The following CFH variants were observed in gnomAD, a reference collection of about 807,000 sequenced individuals.
CFH encodes complement factor H, also known as H factor 1 (complement).
CFH carries 53 observed loss-of-function variants against 147.3 expected under a neutral mutation model. The ratio of observed to expected loss-of-function variants is 0.36; its 90% CI spans 0.29 to 0.45. The LOEUF (loss-of-function observed/expected upper bound fraction) is 0.45, where lower values mean the gene tolerates loss of function less well. Among genes scored for constraint, CFH ranks in the 20% least tolerant of loss-of-function variants. The pLI is 1.00. For missense variants in CFH, 1,380 were observed against 1,498.0 expected (o/e 0.92, Z 1.30); for synonymous variants, 536 against 489.4 (o/e 1.10, Z -1.26).
At chr1:196,660,931 A>G (rs1308593980) in intron 1 of CFH, among the ~76,000 whole-genome samples, 2 of 152,204 alleles carry the variant, frequency 1.3e-5, no homozygotes, top group Admixed American at 6.5e-5. Context: ...CTAGGAAGTG[A>G]GCGGGCTAAA....
At chr1:196,657,149 C>A (rs1666729922) in intron 1 of CFH, among the ~76,000 whole-genome samples, 1 of 151,792 alleles carries the variant, frequency 6.6e-6, no homozygotes, top group Non-Finnish European at 1.5e-5. Context: ...TTTCTTTTTT[C>A]TTTTTCTTTC....
chr1:196,731,519 G>C (rs750155475), intron 15 of CFH, among the ~76,000 whole-genome samples: 83 of 151,884 alleles, frequency 5.5e-4, no homozygotes, highest in Admixed American at 9.2e-4. Context: ...CTTTATGCTA[G>C]CTGTATTTAC....
At chr1:196,683,311 T>C (rs1573019436) in intron 6 of CFH, among the ~76,000 whole-genome samples, 1 of 151,752 alleles carries the variant, frequency 6.6e-6, no homozygotes, top group Admixed American at 6.6e-5. Flanking sequence ...GTCCATAATA[T>C]GTACCAGTGA....
intron 20 of CFH, among the ~76,000 whole-genome samples, chr1:196,745,150 C>T (rs925443962): frequency 1.3e-5 from 2 of 151,700 alleles, no homozygotes; most frequent in African/African-American, 4.8e-5. Flanking sequence ...GTATAAATTC[C>T]AATGTTTTTA....
chr1:196,736,916 T>A lies in CFH; in HGVS notation c.2506T>A (p.Ser836Thr), dbSNP rs572735503. The change falls in exon 16 of 22, where the codon TCT becomes ACT. Residue 836 changes from serine (S) to threonine (T), a missense_variant. By Grantham distance (58) the Ser-to-Thr change is moderately conservative. Coordinates refer to ENST00000367429, the MANE Select transcript of CFH (RefSeq NM_000186.4). ...GAATTATCGGGATGGAGAAAAAGTA[T>A]CTGTTCTTTGCCAAGAAAATTATCT... ...TLNYRDGEKV[S>T]VLCQENYLIQ... 2 of 1,611,172 alleles carry A rather than the reference T, an allele frequency of 1.2e-6. No homozygotes were observed. The highest frequency in any genetic ancestry group is 2.2e-5 in the East Asian group (1 of 44,630).
At chr1:196,738,231 TA>T (rs1485478717) in intron 17 of CFH, among the ~76,000 whole-genome samples, 3 of 152,182 alleles carry the variant, frequency 2.0e-5, no homozygotes, top group Non-Finnish European at 4.4e-5. Flanking sequence ...TTCAAATTGT[TA>T]TTTGGTTGGA....
chr1:196,652,713 T>G lies in CFH; in HGVS notation c.58+538T>G, dbSNP rs1666544461. Among the ~76,000 whole-genome samples, 3 of 151,834 alleles carry G rather than the reference T, an allele frequency of 2.0e-5. No homozygotes were observed. In the South Asian group the frequency reaches 6.2e-4, roughly 32 times the overall value. On this transcript the variant is annotated intron_variant, in intron 1 of 21. Coordinates refer to ENST00000367429, the MANE Select transcript of CFH (RefSeq NM_000186.4). ...TCAGAATAAAAATATTATATAAATT[T>G]GAAACCCAATTGAATATACAATATT...
intron 15 of CFH, 68 bp from the exon 16 acceptor site, chr1:196,736,756 T>A: frequency 2.5e-6 from 2 of 787,760 alleles, no homozygotes; most frequent in Non-Finnish European, 3.4e-6. Context: ...TCATCAAAAA[T>A]TCTAATTTTA....
chr1:196,701,951 C>A (rs535309777), intron 9 of CFH, among the ~76,000 whole-genome samples: 4 of 152,000 alleles, frequency 2.6e-5, no homozygotes, highest in African/African-American at 9.7e-5. Flanking sequence ...GCTTACAGTA[C>A]GATCCTGTAG....
At chr1:196,697,203 T>G (rs926654605) in intron 9 of CFH, among the ~76,000 whole-genome samples, 1 of 152,042 alleles carries the variant, frequency 6.6e-6, no homozygotes, top group Non-Finnish European at 1.5e-5. Flanking sequence ...GAAACTACCA[T>G]CAGAGTGAAC....
At chr1:196,706,822 A>T (rs1237223185) in intron 9 of CFH, among the ~76,000 whole-genome samples, 1 of 152,202 alleles carries the variant, frequency 6.6e-6, no homozygotes, top group Admixed American at 6.5e-5. Flanking sequence ...CAAGGATTCA[A>T]GCAAGAGGTG....
chr1:196,713,663 A>G (rs1668775291), intron 9 of CFH, 72 bp from the exon 10 acceptor site: 3 of 964,288 alleles, frequency 3.1e-6, no homozygotes, highest in Non-Finnish European at 4.8e-6. Flanking sequence ...TTTTATATTT[A>G]CATATTACTT....
intron 9 of CFH, among the ~76,000 whole-genome samples, chr1:196,712,408 T>C (rs1307083695): frequency 1.3e-5 from 2 of 151,418 alleles, no homozygotes; most frequent in East Asian, 3.9e-4. Flanking sequence ...TTTTCTTTTA[T>C]AGCTATATAA....
At chr1:196,667,271 A>G (rs950865418) in intron 1 of CFH, among the ~76,000 whole-genome samples, 27 of 152,330 alleles carry the variant, frequency 1.8e-4, no homozygotes, top group African/African-American at 6.5e-4. Context: ...TTCTCACAAT[A>G]TGGTCAATTT....
In CFH at chr1:196,676,051, T is replaced by C. The variant is rs1667441695; in HGVS notation, c.413T>C (p.Ile138Thr). 1 of 1,597,546 alleles carries C rather than the reference T, an allele frequency of 6.3e-7. No individual in the cohort carries two copies. Among genetic ancestry groups the C allele is most frequent in the East Asian group, 2.2e-5 (1 of 44,628 alleles). ...ECDTDGWTND[I>T]PICEVVKCLP... ...GACACAGATGGATGGACCAATGATA[T>C]TCCTATATGTGAAGGTAGACATAAA... The change falls in exon 4 of 22, where the codon ATT becomes ACT. Residue 138 changes from isoleucine to threonine, a missense_variant. Coordinates refer to ENST00000367429, the MANE Select transcript of CFH (RefSeq NM_000186.4).
chr1:196,673,455 A>G (rs1236524339), intron 2 of CFH: 2 of 405,204 alleles, frequency 4.9e-6, no homozygotes, highest in African/African-American at 2.1e-5. Context: ...TCCTGCCTCA[A>G]CTTCCCGAGT....
chr1:196,680,309 A>AC (rs1667606015), intron 6 of CFH, among the ~76,000 whole-genome samples: 1 of 139,258 alleles, frequency 7.2e-6, no homozygotes, highest in South Asian at 2.4e-4. Flanking sequence ...CTGGAAAATT[A>AC]CCAAAAAAAA....
At position 196,708,939 on chromosome 1, in the gene CFH, C is replaced by G. The variant is rs1668659566; in HGVS notation, c.1337-4796C>G. Among the ~76,000 whole-genome samples the G allele has an allele frequency of 3.3e-5, 5 of 152,124 alleles. No individual in the cohort carries two copies. In the South Asian group the frequency reaches 6.2e-4, roughly 19 times the overall value. On this transcript the variant is annotated intron_variant, in intron 9 of 21. Coordinates refer to ENST00000367429, the MANE Select transcript of CFH (RefSeq NM_000186.4). ...ATGATCAGAAACTTATTGGCAACCA[C>G]AGAAATAATTGCAAAAGAGGCTGCT...
intron 11 of CFH, among the ~76,000 whole-genome samples, chr1:196,719,008 T>A (rs1461389858): frequency 6.6e-6 from 1 of 152,080 alleles, no homozygotes; most frequent in Non-Finnish European, 1.5e-5. Flanking sequence ...CTAGGAGGTC[T>A]CTTCTTTGTG....
Sources: allele counts gnomAD v4.1 joint callset (sites outside exome capture counted in the v4.1 genomes callset), GRCh38; gene constraint gnomAD v4.1.1; transcripts MANE v1.5; gene names NCBI Gene and HGNC (gene_info 2026-07-23, HGNC 2026-07-21).